Variants in CLDN14 observed in about 807,000 individuals in gnomAD.
CLDN14 encodes claudin-14.
A neutral mutation model predicts 2.1 loss-of-function variants in CLDN14; 2 were observed. The observed-to-expected ratio is 0.96, with a 90% CI of 0.39 to 3.01. CLDN14 has a LOEUF of 3.01. Ranked by LOEUF, CLDN14 falls within the 30% of genes most tolerant of loss-of-function variation. The pLI, the probability that CLDN14 is intolerant of heterozygous loss-of-function variation, is 0.09. For synonymous variants in CLDN14, 136 were observed against 154.4 expected (o/e 0.88, Z 0.88); for missense variants, 298 against 328.0 (o/e 0.91, Z 0.71).
intron 1 of CLDN14, among the ~76,000 whole-genome samples, chr21:36,548,115 C>T (rs943755136): frequency 6.6e-5 from 10 of 152,074 alleles, no homozygotes; most frequent in African/African-American, 1.7e-4. Context: ...CTGCAGATGC[C>T]GTTCCTTCCA....
At chr21:36,540,914 A>G (rs1432321639) in intron 1 of CLDN14, among the ~76,000 whole-genome samples, 1 of 152,218 alleles carries the variant, frequency 6.6e-6, no homozygotes, top group Non-Finnish European at 1.5e-5. Context: ...GCAAGAGTAG[A>G]AGGTATTTTC....
At chr21:36,571,587 T>A (rs961697083) in intron 1 of CLDN14, among the ~76,000 whole-genome samples, 1 of 152,118 alleles carries the variant, frequency 6.6e-6, no homozygotes, top group African/African-American at 2.4e-5. Context: ...GTTCTTAGAG[T>A]TGGAAGGTTT....
At chr21:36,468,563 A>C (rs2086673847) in intron 1 of CLDN14, among the ~76,000 whole-genome samples, 1 of 152,122 alleles carries the variant, frequency 6.6e-6, no homozygotes, top group Non-Finnish European at 1.5e-5. Flanking sequence ...ACTCTGTCTC[A>C]AACAAAAGAA....
At chr21:36,484,066 G>C (rs2086871890), upstream of CLDN14, among the ~76,000 whole-genome samples, 1 of 152,194 alleles carries the variant, frequency 6.6e-6, no homozygotes. Context: ...CTGGGCGGCA[G>C]GGACACAGGA....
chr21:36,477,692 G>A (rs948466753), intron 1 of CLDN14: 1 of 152,218 alleles, frequency 6.6e-6, no homozygotes, highest in East Asian at 1.9e-4. Flanking sequence ...GTGAGTGAAT[G>A]AGCCTCAGCT....
At chr21:36,490,951 C>CAG (rs1176478058) in intron 2 of CLDN14, among the ~76,000 whole-genome samples, 274 of 12,116 alleles carry the variant, frequency 0.023, 2 homozygotes, top group African/African-American at 0.025. Flanking sequence ...AGTGCACAGA[C>CAG]ACACACACAC....
chr21:36,545,299 T>G (rs940411683), intron 1 of CLDN14, among the ~76,000 whole-genome samples: 2 of 152,142 alleles, frequency 1.3e-5, no homozygotes, highest in Non-Finnish European at 2.9e-5. Context: ...CATTCTTGGG[T>G]TGGGTGAGGA....
Position 36,551,302 on chromosome 21 carries a change from T to C in CLDN14, c.-220+25109A>G, listed in dbSNP as rs2087562337. Among the ~76,000 whole-genome samples the C allele has an allele frequency of 6.6e-6, 1 of 152,164 alleles. No homozygotes were observed. ...GCTGGGAGGGAGGACCCCAGTGAGA[T>C]CTCCGAGCAGATGCACTGTTCCCTG... On this transcript the variant is annotated intron_variant, in intron 1 of 2. Coordinates refer to the CLDN14 transcript ENST00000342108. This position sits in a 1 kb window ranked among gnomAD's most constrained non-coding sequence, Gnocchi z 4.8.
At chr21:36,486,576 C>T (rs2086899133) in intron 2 of CLDN14, 1 of 1,555,284 alleles carries the variant, frequency 6.4e-7, no homozygotes, top group Non-Finnish European at 8.9e-7. Context: ...AAGCTGGGCC[C>T]AGGAGGCACT....
chr21:36,476,129 T>C (rs2086776468), intron 1 of CLDN14, among the ~76,000 whole-genome samples: 1 of 152,144 alleles, frequency 6.6e-6, no homozygotes, highest in African/African-American at 2.4e-5. Context: ...CTCTGGCCTG[T>C]CCCTGGAATA....
chr21:36,574,541 A>T (rs1269474700), intron 1 of CLDN14, among the ~76,000 whole-genome samples: 1 of 152,210 alleles, frequency 6.6e-6, no homozygotes, highest in East Asian at 1.9e-4. Flanking sequence ...ATAAATCAGA[A>T]AGTGATGGGG....
At chr21:36,522,650 C>T (rs1053197692) in intron 1 of CLDN14, among the ~76,000 whole-genome samples, 5 of 152,308 alleles carry the variant, frequency 3.3e-5, no homozygotes, top group Admixed American at 2.0e-4. Context: ...CAAGAAGATG[C>T]GGCTGTCCCC....
chr21:36,505,176 A>G (rs1258072275), intron 2 of CLDN14, among the ~76,000 whole-genome samples: 1 of 152,154 alleles, frequency 6.6e-6, no homozygotes, highest in Non-Finnish European at 1.5e-5. Flanking sequence ...TTGTATAACA[A>G]ATTTAAACAG....
At position 36,461,234 on chromosome 21, in the gene CLDN14, G is replaced by A. The variant is rs771208295; in HGVS notation, c.462C>T (p.Ser154=). 8.1e-6 allele frequency: 13 copies of A among 1,613,942 alleles called. No individual in the cohort carries two copies. Among genetic ancestry groups the A allele is most frequent in the East Asian group, 2.2e-5 (1 of 44,892 alleles). ...CCTGGCCAATCTCAAACTTCATGCC[G>A]CTGGGCAGCAGCGGGTTGTAGAAGT... ...VQNFYNPLLP[S]GMKFEIGQAL... The change falls in exon 2 of 2, where the codon AGC becomes AGT. Residue 154 remains serine, a synonymous_variant. Coordinates refer to ENST00000399135, the MANE Select transcript of CLDN14 (RefSeq NM_001146079.2).
At chr21:36,475,795 G>T (rs1048493865) in intron 1 of CLDN14, among the ~76,000 whole-genome samples, 3 of 151,824 alleles carry the variant, frequency 2.0e-5, no homozygotes, top group African/African-American at 7.3e-5. Context: ...TGTCACCCAG[G>T]CTGGAGCACA....
Position 36,485,924 on chromosome 21 carries a change from A to G in CLDN14, c.-81-24148T>C, listed in dbSNP as rs192853373. On this transcript the variant is annotated intron_variant, in intron 2 of 2. Transcript: ENST00000342108. Reference sequence around the variant, plus strand: ...TTACAGATAACACACATCTAACCCTATATTCTCTGCGTCCCATGCAGTCCC... The same window carrying G: ...TTACAGATAACACACATCTAACCCTGTATTCTCTGCGTCCCATGCAGTCCC... 2.2e-3 allele frequency: 2,236 copies of G among 994,678 alleles called. 5 individuals carry two copies. Among genetic ancestry groups the G allele is most frequent in the Non-Finnish European group, 3.0e-3 (1,998 of 663,050 alleles). The allele number at this position is 994,678 out of a possible 1,614,324, so 61.6% of individuals were successfully genotyped here.
intron 1 of CLDN14, among the ~76,000 whole-genome samples, chr21:36,531,484 C>T (rs553494073): frequency 2.0e-5 from 3 of 151,636 alleles, no homozygotes; most frequent in African/African-American, 7.2e-5. Context: ...AGGCTGGTCT[C>T]GAACTCCTGA....
At chr21:36,523,185 G>C (rs995146905) in intron 1 of CLDN14, among the ~76,000 whole-genome samples, 1 of 152,226 alleles carries the variant, frequency 6.6e-6, no homozygotes, top group Non-Finnish European at 1.5e-5. Flanking sequence ...CCTTTGTGCA[G>C]AGCACACAGA....
chr21:36,538,890 G>A (rs1295666072), intron 1 of CLDN14, among the ~76,000 whole-genome samples: 6 of 152,154 alleles, frequency 3.9e-5, no homozygotes, highest in East Asian at 1.9e-4. Flanking sequence ...AGACCTGTAC[G>A]AGTCACCTGA....
Sources: allele counts gnomAD v4.1 joint callset (sites outside exome capture counted in the v4.1 genomes callset), GRCh38; gene constraint gnomAD v4.1.1; non-coding constraint Gnocchi (gnomAD v3.1); transcripts MANE v1.5; gene names NCBI Gene and HGNC (gene_info 2026-07-23, HGNC 2026-07-21).